The following RPS6KB1 variants were observed in gnomAD, a reference collection of about 807,000 sequenced individuals.
RPS6KB1 encodes the protein ribosomal protein S6 kinase beta-1.
Under a neutral mutation model 70.2 loss-of-function variants are expected in RPS6KB1, and 12 were observed. The observed-to-expected ratio is 0.17, with a 90% CI of 0.11 to 0.28. The LOEUF is 0.28. Ranked by LOEUF, RPS6KB1 falls within the 10% of genes least tolerant of loss-of-function variation. RPS6KB1 has a pLI of 1.00. For missense variants in RPS6KB1, 270 were observed against 646.6 expected (o/e 0.42, Z 6.32); for synonymous variants, 175 against 211.2 (o/e 0.83, Z 1.49).
chr17:59,905,006 A>C (rs988641689), intron 1 of RPS6KB1, among the ~76,000 whole-genome samples: 2 of 151,416 alleles, frequency 1.3e-5, no homozygotes, highest in Admixed American at 6.6e-5. Flanking sequence ...CATTCCTTGC[A>C]TATTCTTATT....
intron 4 of RPS6KB1, among the ~76,000 whole-genome samples, chr17:59,918,472 C>T (rs925179236): frequency 2.0e-5 from 3 of 151,804 alleles, no homozygotes; most frequent in Non-Finnish European, 4.4e-5. Flanking sequence ...TGCGTTCAAG[C>T]GATTCTCCTG....
chr17:59,928,362 A>C (rs145014294), intron 5 of RPS6KB1, among the ~76,000 whole-genome samples: 1,642 of 150,714 alleles, frequency 0.011, 15 homozygotes, highest in Non-Finnish European at 0.018. Flanking sequence ...CTAAAATTTC[A>C]GTGTATGTTT....
intron 4 of RPS6KB1, among the ~76,000 whole-genome samples, chr17:59,921,427 C>T (rs934556018): frequency 2.6e-5 from 4 of 152,024 alleles, no homozygotes; most frequent in African/African-American, 9.7e-5. Flanking sequence ...TTCTAAATCC[C>T]CAAGTAAGAT....
intron 5 of RPS6KB1, among the ~76,000 whole-genome samples, chr17:59,929,655 C>T (rs1217348968): frequency 6.6e-6 from 1 of 152,034 alleles, no homozygotes; most frequent in Non-Finnish European, 1.5e-5. Context: ...TCAAATTGTG[C>T]CATGTTTTTT....
In RPS6KB1 at chr17:59,946,761, G is replaced by C; in HGVS notation, c.1551G>C (p.Arg517=). The C allele has an allele frequency of 6.2e-7, 1 of 1,614,092 alleles. No homozygotes were observed. Among genetic ancestry groups the C allele is most frequent in the Non-Finnish European group, 8.5e-7 (1 of 1,180,012 alleles). Reference sequence around the variant, plus strand: ...AAGCTTTTCCCATGATCTCCAAACGGCCAGAGCACCTGCGTATGAATCTAT... The same window carrying C: ...AAGCTTTTCCCATGATCTCCAAACGCCCAGAGCACCTGCGTATGAATCTAT... The part of the protein sequence containing the change: ...KKQAFPMISK[R]PEHLRMNL The change falls in exon 15 of 15, where the codon CGG becomes CGC. Residue 517 remains arginine (R), a synonymous_variant. Transcript: ENST00000225577. This position sits in a 1 kb window ranked among gnomAD's most constrained non-coding sequence, Gnocchi z 4.2.
In RPS6KB1 at chr17:59,910,583, G is replaced by T. The variant is rs1339950914; in HGVS notation, c.163G>T (p.Asp55Tyr). 1.3e-6 allele frequency: 2 copies of T among 1,592,054 alleles called. No individual in the cohort carries two copies. Among genetic ancestry groups the T allele is most frequent in the South Asian group, 1.1e-5 (1 of 87,164 alleles). Residue 55 changes from aspartate to tyrosine, a missense_variant, in exon 2 of 15, where the codon GAC becomes TAC. Coordinates refer to ENST00000225577, the MANE Select transcript of RPS6KB1 (RefSeq NM_003161.4). ...EEGGQLNESMDHGGVGPYELG... is the reference protein window; with the variant it reads ...EEGGQLNESMYHGGVGPYELG... ...TCAGGGTCAGTTAAATGAAAGCATG[G>T]ACCATGGGGGAGTTGGACCATATGA...
intron 6 of RPS6KB1, 102 bp from the exon 7 acceptor site, chr17:59,931,520 T>C: frequency 1.2e-6 from 1 of 864,854 alleles, no homozygotes. Context: ...TAATTTGGTC[T>C]TTGGTGCATG....
chr17:59,934,455 A>G lies in RPS6KB1; in HGVS notation c.801A>G (p.Arg267=). The change falls in exon 9 of 15, where the codon AGA becomes AGG. Residue 267 remains arginine, a synonymous_variant. Transcript: ENST00000225577. This position sits in a 1 kb window ranked among gnomAD's most constrained non-coding sequence, Gnocchi z 4.8. The stretch of plus-strand genomic sequence containing the variant: ...GTAGGGCCCCTGAAATCTTGATGAG[A>G]AGTGGCCACAATCGTGCTGTGGATT... ...IEYMAPEILM[R]SGHNRAVDWW... The G allele has an allele frequency of 6.2e-7, 1 of 1,613,798 alleles. No individual in the cohort carries two copies. Among genetic ancestry groups the G allele is most frequent in the East Asian group, 2.2e-5 (1 of 44,882 alleles).
At chr17:59,914,997 T>G (rs1337031349) in intron 4 of RPS6KB1, among the ~76,000 whole-genome samples, 1 of 151,744 alleles carries the variant, frequency 6.6e-6, no homozygotes, top group East Asian at 1.9e-4. Flanking sequence ...CTTTTCTTTT[T>G]TTTTTTTTTG....
chr17:59,905,944 C>T (rs975506840), intron 1 of RPS6KB1, among the ~76,000 whole-genome samples: 1 of 152,112 alleles, frequency 6.6e-6, no homozygotes, highest in African/African-American at 2.4e-5. Flanking sequence ...GCATACAACA[C>T]CACACTCAGC....
intron 10 of RPS6KB1, 80 bp downstream of exon 10, chr17:59,935,380 A>C: frequency 1.3e-6 from 1 of 750,352 alleles, no homozygotes; most frequent in Non-Finnish European, 2.2e-6. Flanking sequence ...GTATATTTTG[A>C]ATAAAGAGTC....
intron 5 of RPS6KB1, among the ~76,000 whole-genome samples, chr17:59,928,241 T>A (rs2043734659): frequency 6.6e-6 from 1 of 152,120 alleles, no homozygotes; most frequent in South Asian, 2.1e-4. Flanking sequence ...CCACATTTAT[T>A]TTGTTTTATC....
chr17:59,905,826 A>T (rs1212243834), intron 1 of RPS6KB1, among the ~76,000 whole-genome samples: 2 of 148,274 alleles, frequency 1.3e-5, no homozygotes, highest in South Asian at 2.1e-4. Flanking sequence ...CCTTTTTTTT[A>T]TTATTATTTT....
intron 1 of RPS6KB1, among the ~76,000 whole-genome samples, chr17:59,894,697 T>A (rs2041415357): frequency 6.6e-6 from 1 of 152,116 alleles, no homozygotes; most frequent in Admixed American, 6.6e-5. Flanking sequence ...CTCAGCCTCC[T>A]GGGTTTAAGC....
chr17:59,901,148 G>A lies in RPS6KB1; in HGVS notation c.141+7823G>A, dbSNP rs2041911526. On this transcript the variant is annotated intron_variant, in intron 1 of 14. Transcript: ENST00000225577. ...TGCATTCCAGCCTGGGCAACAGAGT[G>A]AGACCTTGCATTTTTTTTTGAGACG... 2.0e-5 allele frequency among the ~76,000 whole-genome samples: 3 copies of A among 150,858 alleles called. No individual in the cohort carries two copies. The South Asian group carries it at 6.3e-4, about 32-fold the overall frequency.
rs200633304 is a variant in RPS6KB1 at position 59,922,868 on chromosome 17, G to GTT, written c.382-3565_382-3564dup. ...CCTATACTCTCTTTTAAAAAAATTT[G>GTT]TTTGTTTTTTTTTTTTGAGATGGAG... On this transcript the variant is annotated intron_variant, in intron 4 of 14. Coordinates refer to ENST00000225577, the MANE Select transcript of RPS6KB1 (RefSeq NM_003161.4). Among the ~76,000 whole-genome samples, 120 of 135,428 alleles carry GTT rather than the reference G, an allele frequency of 8.9e-4. 5 individuals carry two copies. Among genetic ancestry groups the GTT allele is most frequent in the Middle Eastern group, 4.2e-3 (1 of 236 alleles). The allele number at this position is 135,428 out of a possible 152,430, so 88.8% of individuals were successfully genotyped here.
rs1462574101 is a variant in RPS6KB1, at chr17:59,946,116, A to G, written c.1341-435A>G. 6.6e-6 allele frequency among the ~76,000 whole-genome samples: 1 copy of G among 152,156 alleles called. No individual in the cohort carries two copies. Among genetic ancestry groups the G allele is most frequent in the African/African-American group, 2.4e-5 (1 of 41,416 alleles). On this transcript the variant is annotated intron_variant, in intron 14 of 14. Transcript: ENST00000225577. The surrounding 1 kb of genome is among the most constrained non-coding windows in gnomAD (Gnocchi z 4.2). ...AGAATGTTGCAGGCAGAAGAACAGC[A>G]AATGCAAAAACCCTGAGGGAGGAGA... is the stretch of plus-strand genomic sequence containing the variant.
In RPS6KB1 at chr17:59,939,701, G is replaced by A. The variant is rs145673527; in HGVS notation, c.1120-1135G>A. Among the ~76,000 whole-genome samples the A allele has an allele frequency of 2.6e-3, 399 of 152,296 alleles. 6 individuals are homozygous for A. The highest frequency in any genetic ancestry group is 9.1e-3 in the African/African-American group (378 of 41,568). ...ATGACCACATGGTCTGGTGTTGTAC[G>A]AGAGAGCAAAATAAGGAAACTGGTG... is the stretch of plus-strand genomic sequence containing the variant. On this transcript the variant is annotated intron_variant, in intron 12 of 14. Coordinates refer to ENST00000225577, the MANE Select transcript of RPS6KB1 (RefSeq NM_003161.4).
chr17:59,937,559 G>A (rs1183917813), intron 12 of RPS6KB1, among the ~76,000 whole-genome samples: 5 of 152,176 alleles, frequency 3.3e-5, no homozygotes, highest in Admixed American at 2.0e-4. Context: ...GGTAATCTTT[G>A]TCATTCTTTG....
Sources: gnomAD v4.1 joint callset for allele counts (sites outside exome capture counted in the v4.1 genomes callset) on GRCh38, gnomAD v4.1.1 for gene constraint, Gnocchi (gnomAD v3.1) non-coding constraint, MANE v1.5 for transcripts, NCBI Gene and HGNC (gene_info 2026-07-23, HGNC 2026-07-21) for gene names.